YIPF6: variants seen among roughly 807,000 people sequenced by gnomAD.
YIPF6 encodes the protein protein YIPF6.
Under a neutral mutation model 16.8 loss-of-function variants are expected in YIPF6, and 3 were observed. That is an observed-to-expected ratio of 0.18 (90% CI 0.08 to 0.46). The LOEUF is 0.46. Among genes scored for constraint, YIPF6 ranks in the 20% least tolerant of loss-of-function variants. The pLI is 0.98. For synonymous variants in YIPF6, 67 were observed against 61.9 expected (o/e 1.08, Z -0.38); for missense variants, 145 against 184.9 (o/e 0.78, Z 1.25).
intron 1 of YIPF6, chrX:68,510,650 T>C (rs1475350624): frequency 9.0e-6 from 1 of 110,867 alleles, no homozygotes; most frequent in Non-Finnish European, 1.9e-5. Context: ...TTTATTTTAT[T>C]ATAACGGAGT....
intron 6 of YIPF6, among the ~76,000 whole-genome samples, chrX:68,524,456 AC>A (rs1176434889): frequency 2.7e-5 from 3 of 109,881 alleles, no homozygotes; most frequent in Non-Finnish European, 5.7e-5. Flanking sequence ...GACATGAGCC[AC>A]CGCACCTGGC....
chrX:68,527,934 T>C (rs992691963), intron 6 of YIPF6, among the ~76,000 whole-genome samples: 3 of 111,816 alleles, frequency 2.7e-5, no homozygotes, highest in African/African-American at 9.8e-5. Flanking sequence ...AATTTTAGAA[T>C]AAGTGTGATG....
At chrX:68,521,567 G>C (rs1441756115) in intron 5 of YIPF6, 70 bp downstream of exon 5, 2 of 1,099,510 alleles carry the variant, frequency 1.8e-6, no homozygotes, top group Non-Finnish European at 1.2e-6. Context: ...AGGAATACAG[G>C]CTAGCTAGAT....
At chrX:68,509,727 C>T (rs1327815157) in intron 1 of YIPF6, among the ~76,000 whole-genome samples, 4 of 111,079 alleles carry the variant, frequency 3.6e-5, no homozygotes, top group Non-Finnish European at 7.5e-5. Flanking sequence ...TCTGTCCATC[C>T]CTTAGTAGTA....
At chrX:68,512,014 T>G (rs1257743130) in intron 2 of YIPF6, 37 bp downstream of exon 2, 12 of 1,163,067 alleles carry the variant, frequency 1.0e-5, no homozygotes, top group Non-Finnish European at 1.4e-5. Context: ...CTGTTCAGTA[T>G]CATGGGACTA....
chrX:68,534,321 A>G lies in YIPF6; in HGVS notation c.*2322A>G, dbSNP rs2079183324. On this transcript the variant is annotated 3_prime_UTR_variant, in exon 7 of 7. Transcript: ENST00000462683. Reference sequence around the variant, plus strand: ...AGCGGTATTTCCATTTACAAAATATAGTAACTCTTGATTACTGAAAATGTC... The same window carrying G: ...AGCGGTATTTCCATTTACAAAATATGGTAACTCTTGATTACTGAAAATGTC... The G allele has an allele frequency of 9.0e-6, 1 of 111,021 alleles. No individual in the cohort carries two copies. The highest frequency in any genetic ancestry group is 3.3e-5 in the African/African-American group (1 of 30,518). 9.1% of individuals were successfully genotyped at this position (111,021 alleles called of 1,213,427 possible).
At chrX:68,529,017 T>C (rs2079160634) in intron 6 of YIPF6, among the ~76,000 whole-genome samples, 1 of 111,521 alleles carries the variant, frequency 9.0e-6, no homozygotes, top group Non-Finnish European at 1.9e-5. Flanking sequence ...AATTTGAGTA[T>C]TGGCCTGCCT....
In YIPF6 at chrX:68,521,504, A is replaced by G. The variant is rs1158180600; in HGVS notation, c.434+7A>G. 1 of 1,202,188 alleles carries G rather than the reference A, an allele frequency of 8.3e-7. No homozygotes were observed. The highest frequency in any genetic ancestry group is 2.2e-5 in the Admixed American group (1 of 44,570). On this transcript the variant is annotated splice_region_variant and intron_variant, in intron 5 of 6. Transcript: ENST00000462683. ...AACTTCTTGGAGGGAACATGTGAGT[A>G]TTATTAAAATGCATTCTTTTTTTCC...
intron 3 of YIPF6, chrX:68,514,239 A>ATATAT (rs1555998140): frequency 1.1e-5 from 1 of 94,699 alleles, no homozygotes; most frequent in Admixed American, 1.2e-4. Flanking sequence ...AAAAAAAAAA[A>ATATAT]ATATATATAT....
At chrX:68,500,326 T>A (rs1048302294) in intron 1 of YIPF6, among the ~76,000 whole-genome samples, 2 of 110,429 alleles carry the variant, frequency 1.8e-5, no homozygotes, top group African/African-American at 6.6e-5. Flanking sequence ...TTTCTTTTTC[T>A]TTTTTTGAGA....
chrX:68,522,268 A>G (rs1040298781), intron 5 of YIPF6, among the ~76,000 whole-genome samples: 1 of 110,315 alleles, frequency 9.1e-6, no homozygotes, highest in African/African-American at 3.3e-5. Context: ...GAGAGGAGGA[A>G]GAGTATGGGG....
intron 3 of YIPF6, among the ~76,000 whole-genome samples, chrX:68,518,052 A>G (rs899424108): frequency 9.1e-6 from 1 of 110,329 alleles, no homozygotes; most frequent in Non-Finnish European, 1.9e-5. Flanking sequence ...AGGTAGGCAG[A>G]TCACCTGAGG....
chrX:68,507,605 A>AT lies in YIPF6; in HGVS notation c.58-4229dup, dbSNP rs201166623. 9.7e-3 allele frequency among the ~76,000 whole-genome samples: 965 copies of AT among 99,136 alleles called. 2 individuals are homozygous for AT. The highest frequency in any genetic ancestry group is 0.011 in the Non-Finnish European group (534 of 48,536). 86.1% of individuals were successfully genotyped at this position (99,136 alleles called of 115,157 possible). ...TATTTTGTTAGAGATGTCTATTATA[A>AT]TTTTTTTTTTTTTTTGAGATGGAGT... On this transcript the variant is annotated intron_variant, in intron 1 of 6. Coordinates refer to ENST00000462683, the MANE Select transcript of YIPF6 (RefSeq NM_173834.4).
chrX:68,506,669 C>A, intron 1 of YIPF6, among the ~76,000 whole-genome samples: 1 of 110,838 alleles, frequency 9.0e-6, no homozygotes, highest in South Asian at 3.8e-4. Context: ...TATTGCAATC[C>A]TGCCTATATG....
chrX:68,506,157 G>T (rs1327424896), intron 1 of YIPF6, among the ~76,000 whole-genome samples: 5 of 109,888 alleles, frequency 4.6e-5, no homozygotes, highest in Non-Finnish European at 9.5e-5. Context: ...TCTCTAACAG[G>T]TAAGGACTTT....
intron 3 of YIPF6, among the ~76,000 whole-genome samples, chrX:68,516,602 T>C (rs890722061): frequency 5.3e-5 from 6 of 112,180 alleles, no homozygotes; most frequent in Admixed American, 9.5e-5. Context: ...TTTTCCAAAC[T>C]TTCCACAATG....
chrX:68,529,918 G>A (rs1391655515), intron 6 of YIPF6, among the ~76,000 whole-genome samples: 2 of 111,873 alleles, frequency 1.8e-5, no homozygotes. Flanking sequence ...GTCAACCCCT[G>A]CTGGGAGGTG....
chrX:68,518,983 T>G (rs1234267125), intron 4 of YIPF6, among the ~76,000 whole-genome samples, 171 bp downstream of exon 4: 4 of 111,750 alleles, frequency 3.6e-5, no homozygotes, highest in Non-Finnish European at 7.5e-5. Flanking sequence ...TCCAAATCAA[T>G]TAAAATATGA....
intron 6 of YIPF6, among the ~76,000 whole-genome samples, chrX:68,526,244 G>T (rs1337841637): frequency 9.0e-6 from 1 of 111,205 alleles, no homozygotes. Context: ...TCTCTTTGTA[G>T]CAATTGTGAA....
Sources: allele counts gnomAD v4.1 joint callset (sites outside exome capture counted in the v4.1 genomes callset), GRCh38; gene constraint gnomAD v4.1.1; transcripts MANE v1.5; gene names NCBI Gene and HGNC (gene_info 2026-07-23, HGNC 2026-07-21).